The following EXTL3 variants were observed in gnomAD, a reference collection of about 807,000 sequenced individuals.
EXTL3 encodes exostosin like glycosyltransferase 3, also known as exostosin-like 3.
Under a neutral mutation model 69.3 loss-of-function variants are expected in EXTL3, and 27 were observed. The observed-to-expected ratio is 0.39, with a 90% CI of 0.29 to 0.54. The LOEUF (loss-of-function observed/expected upper bound fraction) is 0.54. Among genes scored for constraint, EXTL3 ranks in the 20% least tolerant of loss-of-function variants. The pLI is 0.69. For synonymous variants in EXTL3, 511 were observed against 499.4 expected, an observed-to-expected ratio of 1.02 and a Z score of -0.31; for missense variants, 1,003 against 1,231.8, an observed-to-expected ratio of 0.81 and a Z score of 2.78.
Position 28,718,078 on chromosome 8 carries a change from G to A in EXTL3, c.2019G>A (p.Glu673=), listed in dbSNP as rs143717955. ...FTVVMLTYER[E]EVLMNSLERL... ...TGGTGATGTTGACTTATGAGCGGGAGGAAGTGCTTATGAACTCTTTAGAGA... is the reference window on the plus strand; with the variant it reads ...TGGTGATGTTGACTTATGAGCGGGAAGAAGTGCTTATGAACTCTTTAGAGA... The change falls in exon 3 of 7, where the codon GAG becomes GAA. Residue 673 remains glutamate (E), a synonymous_variant. Coordinates refer to ENST00000220562, the MANE Select transcript of EXTL3 (RefSeq NM_001440.4). 2.4e-5 allele frequency: 39 copies of A among 1,613,912 alleles called. No homozygotes were observed. In the Middle Eastern group the frequency reaches 6.6e-4, roughly 27 times the overall value.
At chr8:28,635,392 TAAAAAAA>T (rs372980960) in intron 1 of EXTL3, among the ~76,000 whole-genome samples, 1,495 of 114,386 alleles carry the variant, frequency 0.013, 19 homozygotes, top group South Asian at 0.028. Flanking sequence ...ACTGGTCTCT[TAAAAAAA>T]AAAAAAAAAA....
rs545405133 is a variant in EXTL3 at position 28,664,592 on chromosome 8, A to G, written c.-53+41782A>G. ...TTGACAGGTCTCAATATTTTTTTTC[A>G]TATTGATTCTTGAACTGTGTCGGAT... is the stretch of plus-strand genomic sequence containing the variant. On this transcript the variant is annotated intron_variant, in intron 1 of 6. Coordinates refer to the EXTL3 transcript ENST00000523149. Among the ~76,000 whole-genome samples the G allele has an allele frequency of 3.3e-5, 5 of 152,100 alleles. No individual in the cohort carries two copies. The South Asian group carries it at 1.0e-3, about 32-fold the overall frequency.
chr8:28,666,516 C>G (rs572954735), intron 1 of EXTL3, among the ~76,000 whole-genome samples: 1 of 152,324 alleles, frequency 6.6e-6, no homozygotes, highest in East Asian at 1.9e-4. Flanking sequence ...ATCCTCCCAC[C>G]TTGGCCTCCC....
chr8:28,645,485 G>A (rs2130592604), intron 1 of EXTL3, among the ~76,000 whole-genome samples: 1 of 152,278 alleles, frequency 6.6e-6, no homozygotes, highest in East Asian at 1.9e-4. Flanking sequence ...TGGAAAACCT[G>A]AGCTATAATG....
At chr8:28,712,244 G>A (rs556247385) in intron 1 of EXTL3, among the ~76,000 whole-genome samples, 39 of 152,310 alleles carry the variant, frequency 2.6e-4, no homozygotes, top group African/African-American at 9.4e-4. Flanking sequence ...TGGCACAGTC[G>A]AGGAGGTAAG....
intron 1 of EXTL3, among the ~76,000 whole-genome samples, chr8:28,660,838 C>A (rs971395902): frequency 1.5e-4 from 7 of 46,956 alleles, no homozygotes; most frequent in Admixed American, 3.6e-4. Context: ...CGATTTTTGG[C>A]TTTTTTTTTT....
intron 1 of EXTL3, among the ~76,000 whole-genome samples, chr8:28,684,067 A>G (rs1278587091): frequency 2.6e-5 from 4 of 152,132 alleles, no homozygotes; most frequent in Non-Finnish European, 5.9e-5. Context: ...ATTTAACATA[A>G]TCACCTCTGT....
chr8:28,740,730 A>T (rs1277708568), intron 5 of EXTL3: 8 of 152,208 alleles, frequency 5.3e-5, no homozygotes, highest in South Asian at 4.1e-4. Context: ...ACCTGTACCT[A>T]ATATATATGT....
At chr8:28,632,604 A>C (rs1305442912) in intron 1 of EXTL3, among the ~76,000 whole-genome samples, 1 of 141,704 alleles carries the variant, frequency 7.1e-6, no homozygotes, top group Non-Finnish European at 1.5e-5. Context: ...CCCAGGCTAG[A>C]GTAGAGTGGT....
chr8:28,640,442 C>T (rs1292334404), intron 1 of EXTL3, among the ~76,000 whole-genome samples: 2 of 152,172 alleles, frequency 1.3e-5, no homozygotes, highest in Admixed American at 6.5e-5. Context: ...CATTTGACAG[C>T]TTAGGAAGGG....
At chr8:28,739,377 A>G (rs1012682446) in intron 5 of EXTL3, among the ~76,000 whole-genome samples, 1 of 151,850 alleles carries the variant, frequency 6.6e-6, no homozygotes, top group Non-Finnish European at 1.5e-5. Flanking sequence ...CCCAGGTTGG[A>G]GTGTAATGGT....
At chr8:28,638,788 T>A (rs1310483448) in intron 1 of EXTL3, among the ~76,000 whole-genome samples, 1 of 151,940 alleles carries the variant, frequency 6.6e-6, no homozygotes, top group East Asian at 1.9e-4. Context: ...TGTGCCACCA[T>A]GGCTGGCTAA....
intron 3 of EXTL3, among the ~76,000 whole-genome samples, chr8:28,723,780 T>C (rs1801350061): frequency 6.6e-6 from 1 of 151,946 alleles, no homozygotes; most frequent in South Asian, 2.1e-4. Flanking sequence ...TAGCTGGGAC[T>C]ACAGGCGCAT....
chr8:28,630,442 C>T (rs6989870), intron 1 of EXTL3, among the ~76,000 whole-genome samples: 53,894 of 151,792 alleles, frequency 0.36, 10,698 homozygotes, highest in African/African-American at 0.54. Context: ...TCTGCTTGCT[C>T]CCAGGAGAGT....
At position 28,731,271 on chromosome 8, in the gene EXTL3, A is replaced by G. The variant is rs1475186644; in HGVS notation, c.2197A>G (p.Asn733Asp). 1 of 1,614,170 alleles carries G rather than the reference A, an allele frequency of 6.2e-7. No individual in the cohort carries two copies. Among genetic ancestry groups the G allele is most frequent in the South Asian group, 1.1e-5 (1 of 91,082 alleles). Residue 733 changes from asparagine to aspartate, a missense_variant, in exon 4 of 7, where the codon AAT becomes GAT. Transcript: ENST00000220562. ...TTTGAACAACCGATTCTTACCCTGG[A>G]ATGAAATTGAGACAGAGGCCATCCT... ...NSLNNRFLPW[N>D]EIETEAILSI... is the part of the protein sequence containing the mutation.
At chr8:28,735,731 T>C (rs1274578465) in intron 4 of EXTL3, among the ~76,000 whole-genome samples, 1 of 152,226 alleles carries the variant, frequency 6.6e-6, no homozygotes, top group Non-Finnish European at 1.5e-5. Flanking sequence ...TTCTTTCTTC[T>C]GGCAAAGATA....
Position 28,642,062 on chromosome 8 carries a change from C to T in EXTL3, c.-53+19252C>T, listed in dbSNP as rs943149056. 2.6e-5 allele frequency among the ~76,000 whole-genome samples: 4 copies of T among 152,020 alleles called. No individual in the cohort carries two copies. In the East Asian group the frequency reaches 7.9e-4, roughly 30 times the overall value. On this transcript the variant is annotated intron_variant, in intron 1 of 6. Transcript: ENST00000523149. The stretch of plus-strand genomic sequence containing the variant: ...GTGTTAGCCAGGATGGTCTCGATCT[C>T]CTGACCTCGTGATCCGCCCGCCTCA...
intron 1 of EXTL3, among the ~76,000 whole-genome samples, chr8:28,673,111 C>A (rs1807324732): frequency 6.6e-6 from 1 of 152,154 alleles, no homozygotes; most frequent in African/African-American, 2.4e-5. Context: ...TTGGGTATGT[C>A]TTTATCAGCA....
intron 1 of EXTL3, among the ~76,000 whole-genome samples, chr8:28,643,707 C>T (rs911802615): frequency 6.6e-5 from 10 of 152,006 alleles, no homozygotes; most frequent in East Asian, 3.9e-4. Flanking sequence ...CGTGAGCCAC[C>T]GCGCCTGGCC....
Sources: gnomAD v4.1 joint callset for allele counts (sites outside exome capture counted in the v4.1 genomes callset) on GRCh38, gnomAD v4.1.1 for gene constraint, MANE v1.5 for transcripts, NCBI Gene and HGNC (gene_info 2026-07-23, HGNC 2026-07-21) for gene names.